The following SLC16A7 variants were observed in gnomAD, a reference collection of about 807,000 sequenced individuals.
SLC16A7 encodes solute carrier family 16 member 7.
Under a neutral mutation model 34.9 loss-of-function variants are expected in SLC16A7, and 33 were observed. That is an observed-to-expected ratio of 0.94 (90% confidence interval 0.72 to 1.26). SLC16A7 has a LOEUF of 1.26. Ranked by LOEUF, SLC16A7 falls within the 50% of genes most tolerant of loss-of-function variation. The pLI is 0.00. For synonymous variants in SLC16A7, 201 were observed against 206.6 expected, an observed-to-expected ratio of 0.97 and a Z score of 0.23; for missense variants, 573 against 578.1, an observed-to-expected ratio of 0.99 and a Z score of 0.09.
chr12:59,609,515 C>T (rs1879096272), intron 1 of SLC16A7, among the ~76,000 whole-genome samples: 1 of 132,948 alleles, frequency 7.5e-6, no homozygotes, highest in South Asian at 2.4e-4. Flanking sequence ...GGTCGGGGGG[C>T]ATAGGTAGAT....
At chr12:59,742,594 T>G (rs1486878239) in intron 3 of SLC16A7, among the ~76,000 whole-genome samples, 1 of 152,158 alleles carries the variant, frequency 6.6e-6, no homozygotes, top group Admixed American at 6.5e-5. Flanking sequence ...AATATCCTAA[T>G]GAAAGCTGTT....
intron 2 of SLC16A7, among the ~76,000 whole-genome samples, chr12:59,656,689 G>A (rs1014316858): frequency 2.0e-5 from 3 of 152,014 alleles, no homozygotes; most frequent in Admixed American, 6.6e-5. Flanking sequence ...TGAAATTACA[G>A]ACAGCCTCAG....
chr12:59,640,510 C>T lies in SLC16A7; in HGVS notation c.-129-14642C>T, dbSNP rs915983159. 5.6e-5 allele frequency among the ~76,000 whole-genome samples: 8 copies of T among 143,164 alleles called. No homozygotes were observed. In the East Asian group the frequency reaches 7.4e-4, roughly 13 times the overall value. The allele number at this position is 143,164 out of a possible 152,430, so 93.9% of individuals were successfully genotyped here. On this transcript the variant is annotated intron_variant, in intron 1 of 5. Coordinates refer to ENST00000547379, the MANE Select transcript of SLC16A7 (RefSeq NM_001270623.2). ...TTTGCTTGTTATGAGAAATTAAATA[C>T]GTGACATTCTGAAAAAGAAAGTAGT... is the stretch of plus-strand genomic sequence containing the variant.
chr12:59,767,229 T>C (rs1240206642), intron 3 of SLC16A7, among the ~76,000 whole-genome samples: 1 of 151,742 alleles, frequency 6.6e-6, no homozygotes, highest in Non-Finnish European at 1.5e-5. Flanking sequence ...AGAAGCCATC[T>C]TGCTAACATA....
At chr12:59,683,006 C>T (rs1005885437) in intron 2 of SLC16A7, among the ~76,000 whole-genome samples, 21 of 152,028 alleles carry the variant, frequency 1.4e-4, no homozygotes, top group African/African-American at 3.9e-4. Flanking sequence ...GCGGAGGATG[C>T]GGTGAGCTGA....
chr12:59,617,908 T>A (rs1470022875), intron 1 of SLC16A7, among the ~76,000 whole-genome samples: 1 of 152,030 alleles, frequency 6.6e-6, no homozygotes, highest in Non-Finnish European at 1.5e-5. Flanking sequence ...TTGATTTTCC[T>A]TATTTCTGTG....
chr12:59,773,677 G>A (rs774487343), intron 4 of SLC16A7, among the ~76,000 whole-genome samples: 1 of 151,528 alleles, frequency 6.6e-6, no homozygotes, highest in African/African-American at 2.4e-5. Context: ...CGATTCTCTT[G>A]CCTCAGCCTA....
chr12:59,681,376 C>G (rs1870736667), intron 2 of SLC16A7, among the ~76,000 whole-genome samples: 1 of 152,206 alleles, frequency 6.6e-6, no homozygotes, highest in African/African-American at 2.4e-5. Context: ...TGCAAATAAA[C>G]TCCTAGGATG....
intron 3 of SLC16A7, among the ~76,000 whole-genome samples, chr12:59,743,120 C>G (rs191497807): frequency 2.0e-5 from 3 of 152,278 alleles, no homozygotes; most frequent in Admixed American, 6.5e-5. Flanking sequence ...ATCAGTTACT[C>G]AAGGGACTCA....
At chr12:59,650,105 A>T (rs1041240674) in intron 1 of SLC16A7, among the ~76,000 whole-genome samples, 1 of 152,086 alleles carries the variant, frequency 6.6e-6, no homozygotes, top group African/African-American at 2.4e-5. Context: ...ATTAGAACAG[A>T]TACCCCCTTG....
intron 3 of SLC16A7, among the ~76,000 whole-genome samples, chr12:59,725,222 T>C (rs547053570): frequency 1.0e-3 from 157 of 152,218 alleles, no homozygotes; most frequent in Non-Finnish European, 1.3e-3. Context: ...TTCAACTCCA[T>C]AGAACTTAAT....
chr12:59,639,872 G>A (rs985833354), intron 1 of SLC16A7, among the ~76,000 whole-genome samples: 6 of 152,076 alleles, frequency 3.9e-5, no homozygotes, highest in African/African-American at 1.2e-4. Flanking sequence ...CTCACAATAC[G>A]TTTCCATACT....
intron 1 of SLC16A7, among the ~76,000 whole-genome samples, chr12:59,604,730 A>G (rs538077464): frequency 3.2e-4 from 49 of 152,356 alleles, no homozygotes; most frequent in African/African-American, 1.1e-3. Flanking sequence ...ACATCTTGTC[A>G]TTGGAAGGGT....
chr12:59,720,472 C>T (rs1433929288), intron 3 of SLC16A7, among the ~76,000 whole-genome samples: 2 of 151,970 alleles, frequency 1.3e-5, no homozygotes, highest in Non-Finnish European at 2.9e-5. Flanking sequence ...TGTCCTGTTT[C>T]CGGTATCTCC....
At chr12:59,727,322 T>C (rs905250676) in intron 3 of SLC16A7, among the ~76,000 whole-genome samples, 2 of 151,932 alleles carry the variant, frequency 1.3e-5, no homozygotes, top group African/African-American at 2.4e-5. Flanking sequence ...GAACAGAGGA[T>C]AGAGGAAAAG....
intron 2 of SLC16A7, among the ~76,000 whole-genome samples, chr12:59,658,460 C>T (rs1243988207): frequency 6.6e-6 from 1 of 152,012 alleles, no homozygotes; most frequent in Non-Finnish European, 1.5e-5. Flanking sequence ...TTGAATCCAG[C>T]AGTTAACAGA....
At chr12:59,671,914 T>TATATATAC (rs1491391905) in intron 2 of SLC16A7, among the ~76,000 whole-genome samples, 1 of 60,332 alleles carries the variant, frequency 1.7e-5, no homozygotes, top group East Asian at 1.2e-3. Flanking sequence ...TACATATATG[T>TATATATAC]ATATATGTAT....
chr12:59,735,978 A>G, intron 3 of SLC16A7: 3 of 1,096,878 alleles, frequency 2.7e-6, no homozygotes, highest in Non-Finnish European at 3.6e-6. Context: ...AGAGATCACC[A>G]TCTACTTGAG....
At chr12:59,672,675 G>C (rs1021081836) in intron 2 of SLC16A7, among the ~76,000 whole-genome samples, 2 of 152,076 alleles carry the variant, frequency 1.3e-5, no homozygotes, top group Non-Finnish European at 2.9e-5. Flanking sequence ...TGTGCTTGCA[G>C]AAGAGAGTTT....
Sources: allele counts gnomAD v4.1 joint callset (sites outside exome capture counted in the v4.1 genomes callset), GRCh38; gene constraint gnomAD v4.1.1; transcripts MANE v1.5; gene names NCBI Gene and HGNC (gene_info 2026-07-23, HGNC 2026-07-21).